The following ASZ1 variants were observed in gnomAD, a reference collection of about 807,000 sequenced individuals.
ASZ1 encodes ankyrin repeat, SAM and basic leucine zipper domain-containing protein 1.
Under a neutral mutation model 61.8 loss-of-function variants are expected in ASZ1, and 67 were observed. That is an observed-to-expected ratio of 1.08 (90% CI 0.89 to 1.33). ASZ1 has a LOEUF of 1.33. Among genes scored for constraint, ASZ1 ranks in the 40% most tolerant of loss-of-function variants. The pLI is 0.00. For missense variants in ASZ1, 577 were observed against 554.5 expected, an observed-to-expected ratio of 1.04 and a Z score of -0.41; for synonymous variants, 193 against 192.7, an observed-to-expected ratio of 1.00 and a Z score of -0.01.
chr7:117,408,640 A>G (rs1796836768), intron 4 of ASZ1, among the ~76,000 whole-genome samples: 1 of 152,182 alleles, frequency 6.6e-6, no homozygotes, highest in Non-Finnish European at 1.5e-5. Context: ...AGAATAAACA[A>G]ACTTTAATAT....
At chr7:117,378,177 G>C (rs1352800843) in intron 10 of ASZ1, among the ~76,000 whole-genome samples, 1 of 152,048 alleles carries the variant, frequency 6.6e-6, no homozygotes, top group Non-Finnish European at 1.5e-5. Context: ...GTTCTGTAAA[G>C]GGAAAATTTG....
intron 2 of ASZ1, among the ~76,000 whole-genome samples, chr7:117,425,755 C>T (rs995215634): frequency 1.3e-5 from 2 of 151,656 alleles, no homozygotes; most frequent in African/African-American, 2.4e-5. Flanking sequence ...TTTGGGAGGC[C>T]GAGGTGGGTG....
rs928766028 is a variant in ASZ1 at position 117,380,010 on chromosome 7, G to C, written c.983C>G (p.Ala328Gly). The change falls in exon 10 of 13, where the codon GCT (alanine) becomes GGT (glycine). Residue 328 changes from alanine (A) to glycine (G), a missense_variant. Physicochemically the swap from Ala to Gly is moderately conservative, Grantham distance 60. Transcript: ENST00000284629. ...TTCTACCTGTAGTTCTTTAAGAGCA[G>C]CCAGAATTTTCTGCTGGTCTTTACT... The part of the protein sequence containing the change: ...ITSKDQQKIL[A>G]ALKELQVEEI... 14 of 1,605,972 alleles carry C rather than the reference G, an allele frequency of 8.7e-6. No homozygotes were observed. Among genetic ancestry groups the C allele is most frequent in the Non-Finnish European group, 1.1e-5 (13 of 1,176,070 alleles).
chr7:117,390,561 G>C (rs1796444565), intron 4 of ASZ1, among the ~76,000 whole-genome samples: 1 of 152,172 alleles, frequency 6.6e-6, no homozygotes. Flanking sequence ...TCAGTAATGG[G>C]ATGGCTGGGT....
chr7:117,372,457 A>G lies in ASZ1; in HGVS notation c.1056-3740T>C, dbSNP rs562912481. 2.0e-4 allele frequency among the ~76,000 whole-genome samples: 30 copies of G among 152,266 alleles called. No homozygotes were observed. In the South Asian group the frequency reaches 6.0e-3, roughly 31 times the overall value. On this transcript the variant is annotated intron_variant, in intron 10 of 12. Transcript: ENST00000284629. ...CAGGTTGAGACTGTTCCTCCAGCCT[A>G]CTCTCAGAATGACAAGATCACTGTT...
chr7:117,425,436 T>A (rs1797183035), intron 2 of ASZ1, among the ~76,000 whole-genome samples: 1 of 151,680 alleles, frequency 6.6e-6, no homozygotes, highest in Non-Finnish European at 1.5e-5. Flanking sequence ...CAGCTAATTT[T>A]TTTTGTGTTT....
intron 6 of ASZ1, among the ~76,000 whole-genome samples, chr7:117,384,493 T>C (rs1796310143): frequency 6.6e-6 from 1 of 152,172 alleles, no homozygotes; most frequent in African/African-American, 2.4e-5. Flanking sequence ...ATTTTATTAC[T>C]CTTTTATAGA....
chr7:117,397,264 T>C (rs1796594380), intron 4 of ASZ1, among the ~76,000 whole-genome samples: 1 of 151,160 alleles, frequency 6.6e-6, no homozygotes, highest in South Asian at 2.1e-4. Flanking sequence ...CCAAACGCAA[T>C]AAAAAACCAA....
intron 3 of ASZ1, among the ~76,000 whole-genome samples, chr7:117,421,693 T>G (rs1202370822): frequency 2.6e-5 from 4 of 152,162 alleles, no homozygotes; most frequent in Non-Finnish European, 5.9e-5. Flanking sequence ...CCTGAAATTA[T>G]GAAGAAAATT....
chr7:117,367,862 C>T (rs376990125), intron 11 of ASZ1: 6 of 986,080 alleles, frequency 6.1e-6, no homozygotes, highest in East Asian at 1.1e-4. Flanking sequence ...AAATAAGCTG[C>T]TTTTGCAGGC....
intron 10 of ASZ1, among the ~76,000 whole-genome samples, chr7:117,375,774 G>A (rs1259924756): frequency 6.6e-6 from 1 of 151,974 alleles, no homozygotes; most frequent in Non-Finnish European, 1.5e-5. Context: ...AATATACATA[G>A]AAGTGAATGA....
intron 4 of ASZ1, among the ~76,000 whole-genome samples, chr7:117,387,535 C>T (rs2116478306): frequency 6.6e-6 from 1 of 152,264 alleles, no homozygotes. Context: ...CACCATTAAC[C>T]ACATTACTCA....
At position 117,401,228 on chromosome 7, in the gene ASZ1, TGGAGA is replaced by T. The variant is rs1201653883; in HGVS notation, c.441-15424_441-15420del. Among the ~76,000 whole-genome samples the T allele has an allele frequency of 3.9e-5, 6 of 152,086 alleles. No individual in the cohort carries two copies. In the East Asian group the frequency reaches 7.7e-4, roughly 20 times the overall value. On this transcript the variant is annotated intron_variant, in intron 4 of 12. Transcript: ENST00000284629. The stretch of plus-strand genomic sequence containing the variant: ...TAGATGTAATGGTTTAAATCTCAAT[TGGAGA>T]GGAGAGAGAATGAAGAAAAAGCAGT...
At chr7:117,384,200 A>G (rs1310749588) in intron 6 of ASZ1, among the ~76,000 whole-genome samples, 1 of 152,096 alleles carries the variant, frequency 6.6e-6, no homozygotes, top group African/African-American at 2.4e-5. Context: ...AATTTAATGT[A>G]TGGCAAGTAT....
chr7:117,392,188 G>A (rs1356209006), intron 4 of ASZ1, among the ~76,000 whole-genome samples: 1 of 152,200 alleles, frequency 6.6e-6, no homozygotes, highest in Non-Finnish European at 1.5e-5. Flanking sequence ...GCTTTGGGCA[G>A]TACAGATATT....
chr7:117,364,324 C>G (rs975805183), intron 12 of ASZ1, among the ~76,000 whole-genome samples: 12 of 152,026 alleles, frequency 7.9e-5, no homozygotes, highest in African/African-American at 2.7e-4. Context: ...ATGCAAATTT[C>G]TTGCTTAAGA....
chr7:117,414,487 TA>T (rs1363843579), intron 4 of ASZ1, among the ~76,000 whole-genome samples: 1 of 152,156 alleles, frequency 6.6e-6, no homozygotes, highest in Admixed American at 6.5e-5. Context: ...AAAATTTAAT[TA>T]TTTATTTTTA....
At chr7:117,366,033 G>A (rs1795930897) in intron 12 of ASZ1, among the ~76,000 whole-genome samples, 2 of 152,234 alleles carry the variant, frequency 1.3e-5, no homozygotes, top group Admixed American at 6.5e-5. Context: ...GGAGGCCGAG[G>A]CAAGTGGATC....
chr7:117,421,772 G>T (rs984472833), intron 3 of ASZ1, among the ~76,000 whole-genome samples: 2 of 152,076 alleles, frequency 1.3e-5, no homozygotes, highest in Non-Finnish European at 2.9e-5. Flanking sequence ...AACTGGATTT[G>T]CTCATATACT....
Sources: allele counts gnomAD v4.1 joint callset (sites outside exome capture counted in the v4.1 genomes callset), GRCh38; gene constraint gnomAD v4.1.1; transcripts MANE v1.5; gene names NCBI Gene and HGNC (gene_info 2026-07-23, HGNC 2026-07-21).